The following POU2F3 variants were observed in gnomAD, a reference collection of about 807,000 sequenced individuals.
POU2F3 encodes the protein POU class 2 homeobox 3, also known as POU domain, class 2, transcription factor 3.
Under a neutral mutation model 59.2 loss-of-function variants are expected in POU2F3, and 23 were observed. The ratio of observed to expected loss-of-function variants is 0.39; its 90% CI spans 0.28 to 0.55. The LOEUF (loss-of-function observed/expected upper bound fraction) is 0.55, where lower values mean the gene tolerates loss of function less well. Ranked by LOEUF, POU2F3 falls within the 20% of genes least tolerant of loss-of-function variation. POU2F3 has a pLI of 0.66. For missense variants in POU2F3, 473 were observed against 544.5 expected, an observed-to-expected ratio of 0.87 and a Z score of 1.31; for synonymous variants, 190 against 214.6, an observed-to-expected ratio of 0.89 and a Z score of 1.00.
chr11:120,237,007 T>C (rs1938522574), upstream of POU2F3, among the ~76,000 whole-genome samples: 1 of 152,168 alleles, frequency 6.6e-6, no homozygotes, highest in African/African-American at 2.4e-5. Flanking sequence ...TCTACCTCGT[T>C]ATCTGATAAG....
upstream of POU2F3, among the ~76,000 whole-genome samples, chr11:120,238,453 G>A (rs557933703): frequency 6.6e-6 from 1 of 152,070 alleles, no homozygotes; most frequent in East Asian, 1.9e-4. Flanking sequence ...GTGCTGGGGT[G>A]CTGGCACTAG....
chr11:120,305,327 C>G (rs771385618), intron 7 of POU2F3, 115 bp downstream of exon 7: 89 of 1,223,692 alleles, frequency 7.3e-5, no homozygotes, highest in Non-Finnish European at 9.8e-5. Flanking sequence ...GTCTCCTCAT[C>G]ATGTCCCTGA....
intron 12 of POU2F3, among the ~76,000 whole-genome samples, chr11:120,317,762 A>G (rs535402538): frequency 3.3e-5 from 5 of 152,338 alleles, no homozygotes; most frequent in African/African-American, 1.2e-4. Context: ...CATGGCTGAC[A>G]CAGGGAAAGG....
At chr11:120,302,558 C>G (rs1941378731) in intron 6 of POU2F3, 190 bp downstream of exon 6, 1 of 562,442 alleles carries the variant, frequency 1.8e-6, no homozygotes, top group Admixed American at 3.3e-5. Context: ...CCAAGTGTCA[C>G]TGGTGGGGCC....
rs772244695 is a variant in POU2F3 at position 120,305,014 on chromosome 11, G to C, written c.445-16G>C. 54 of 1,577,846 alleles carry C rather than the reference G, an allele frequency of 3.4e-5. No individual in the cohort carries two copies. The highest frequency in any genetic ancestry group is 7.8e-6 in the Non-Finnish European group (9 of 1,158,402). Reference sequence around the variant, plus strand: ...TTGATCTTCGTGGTGGATCTGCTTGGCGTGTTTCCTATCAGGCATTTGGGC... The same window carrying C: ...TTGATCTTCGTGGTGGATCTGCTTGCCGTGTTTCCTATCAGGCATTTGGGC... On this transcript the variant is annotated splice_polypyrimidine_tract_variant and intron_variant, in intron 6 of 12. Transcript: ENST00000543440.
At chr11:120,261,161 TG>T (rs1434737179) in intron 2 of POU2F3, 8 of 5,782 alleles carry the variant, frequency 1.4e-3, no homozygotes, top group East Asian at 0.021. Context: ...TTTGTTGTTT[TG>T]TGTGTGTGTG....
At chr11:120,294,502 C>T (rs1002222393) in intron 3 of POU2F3, among the ~76,000 whole-genome samples, 26 of 152,184 alleles carry the variant, frequency 1.7e-4, no homozygotes, top group African/African-American at 6.3e-4. Flanking sequence ...TCCAATTTGC[C>T]TCCGGTTCTC....
At chr11:120,306,164 G>A (rs567377851) in intron 8 of POU2F3, among the ~76,000 whole-genome samples, 1 of 152,308 alleles carries the variant, frequency 6.6e-6, no homozygotes, top group African/African-American at 2.4e-5. Context: ...GGGCAGTGGG[G>A]CCTCTAGGGT....
upstream of POU2F3, among the ~76,000 whole-genome samples, chr11:120,239,895 G>T (rs1938591105): frequency 1.3e-5 from 2 of 152,262 alleles, no homozygotes; most frequent in Non-Finnish European, 2.9e-5. Flanking sequence ...TTCCTAAAAA[G>T]GGCGAGCAGG....
chr11:120,259,571 A>T (rs1939505624), intron 2 of POU2F3, among the ~76,000 whole-genome samples: 1 of 152,230 alleles, frequency 6.6e-6, no homozygotes, highest in Admixed American at 6.5e-5. Context: ...CTCTTCCCAC[A>T]GTCCCTCATG....
chr11:120,293,839 C>T (rs1343721442), intron 3 of POU2F3, among the ~76,000 whole-genome samples: 3 of 152,186 alleles, frequency 2.0e-5, no homozygotes, highest in Non-Finnish European at 4.4e-5. Context: ...CCTTTTCCGT[C>T]ACCGATGGTC....
chr11:120,248,686 G>T (rs12574374), intron 2 of POU2F3, among the ~76,000 whole-genome samples: 1 of 152,094 alleles, frequency 6.6e-6, no homozygotes, highest in Admixed American at 6.5e-5. Flanking sequence ...CAGGGCTCCC[G>T]GCTGGTAGCA....
chr11:120,309,618 G>A, intron 10 of POU2F3, 32 bp downstream of exon 10: 1 of 1,604,010 alleles, frequency 6.2e-7, no homozygotes, highest in East Asian at 2.2e-5. Flanking sequence ...TGTCTGCCAA[G>A]CACTGGAGGG....
At chr11:120,272,274 G>A (rs1940110594) in intron 3 of POU2F3, among the ~76,000 whole-genome samples, 1 of 152,176 alleles carries the variant, frequency 6.6e-6, no homozygotes, top group African/African-American at 2.4e-5. Flanking sequence ...CACACAATTG[G>A]TTGACAGGCT....
intron 3 of POU2F3, among the ~76,000 whole-genome samples, chr11:120,275,284 A>T (rs1015388063): frequency 6.6e-6 from 1 of 152,098 alleles, no homozygotes; most frequent in Admixed American, 6.5e-5. Flanking sequence ...TGGTGGTGGC[A>T]GTGGGAGGAC....
chr11:120,243,821 C>A (rs1487979603), intron 1 of POU2F3, among the ~76,000 whole-genome samples: 2 of 152,222 alleles, frequency 1.3e-5, no homozygotes, highest in African/African-American at 4.8e-5. Flanking sequence ...CCTGCCCCTC[C>A]AATCCTGAAG....
At chr11:120,307,407 C>A in intron 8 of POU2F3, 72 bp from the exon 9 acceptor site, 1 of 1,553,306 alleles carries the variant, frequency 6.4e-7, no homozygotes. Flanking sequence ...GGTTGTTGGA[C>A]CTCAGATCCA....
At chr11:120,307,451 C>G (rs1941527622) in intron 8 of POU2F3, 28 bp from the exon 9 acceptor site, 1 of 1,611,654 alleles carries the variant, frequency 6.2e-7, no homozygotes, top group Admixed American at 1.7e-5. Flanking sequence ...CTTCTCTGAG[C>G]TTCCTCTGGT....
intron 3 of POU2F3, among the ~76,000 whole-genome samples, chr11:120,280,299 CAGT>C (rs558569590): frequency 2.0e-4 from 30 of 152,236 alleles, no homozygotes; most frequent in African/African-American, 7.0e-4. Flanking sequence ...CCACCCAGAG[CAGT>C]AGATTTTATA....
Sources: gnomAD v4.1 joint callset for allele counts (sites outside exome capture counted in the v4.1 genomes callset) on GRCh38, gnomAD v4.1.1 for gene constraint, MANE v1.5 for transcripts, NCBI Gene and HGNC (gene_info 2026-07-23, HGNC 2026-07-21) for gene names.